INTS8: variants seen among roughly 807,000 people sequenced by gnomAD.
INTS8 encodes the protein integrator complex subunit 8.
INTS8 carries 47 observed loss-of-function variants against 138.9 expected under a neutral mutation model. The observed-to-expected ratio is 0.34, with a 90% CI of 0.27 to 0.43. INTS8 has a LOEUF of 0.43. Ranked by LOEUF, INTS8 falls within the 20% of genes least tolerant of loss-of-function variation. The pLI is 1.00. For synonymous variants in INTS8, 392 were observed against 400.9 expected (o/e 0.98, Z 0.27); for missense variants, 996 against 1,173.0 (o/e 0.85, Z 2.20).
At chr8:94,872,090 C>G (rs758925307) in intron 21 of INTS8, 88 bp downstream of exon 21, 14 of 648,226 alleles carry the variant, frequency 2.2e-5, no homozygotes, top group Non-Finnish European at 3.2e-5. Flanking sequence ...TATTTCAATA[C>G]TTAAGTTTTG....
chr8:94,854,207 G>GAAAAAAAAAAA (rs770693182), intron 14 of INTS8, among the ~76,000 whole-genome samples: 1 of 110,880 alleles, frequency 9.0e-6, no homozygotes, highest in African/African-American at 3.4e-5. Flanking sequence ...GTCCATCTCG[G>GAAAAAAAAAAA]AAAAAAAAAA....
chr8:94,869,640 G>A (rs1012770099), intron 20 of INTS8, among the ~76,000 whole-genome samples: 1 of 151,758 alleles, frequency 6.6e-6, no homozygotes, highest in Non-Finnish European at 1.5e-5. Context: ...TTACAGGCAC[G>A]TGCCACCAAA....
chr8:94,856,134 A>C (rs1815736831), intron 14 of INTS8, among the ~76,000 whole-genome samples: 1 of 152,246 alleles, frequency 6.6e-6, no homozygotes, highest in African/African-American at 2.4e-5. Flanking sequence ...AGAAAAGGGC[A>C]ATACATAGCA....
In INTS8 at chr8:94,851,562, G is replaced by A. The variant is rs1157371300; in HGVS notation, c.1517G>A (p.Ser506Asn). ...ATAAATCTTTTTTTAGCTTCAGCAA[G>A]TGTCAACATTGGTCAGTTAGAGCAT... is the stretch of plus-strand genomic sequence containing the variant. ...TSFYDIPASA[S>N]VNIGQLEHQL... The change falls in exon 13 of 27, where the codon AGT becomes AAT. Residue 506 changes from serine to asparagine, a missense_variant. Transcript: ENST00000523731. 1.3e-6 allele frequency: 2 copies of A among 1,573,782 alleles called. No individual in the cohort carries two copies. The highest frequency in any genetic ancestry group is 1.4e-5 in the African/African-American group (1 of 72,516).
chr8:94,850,830 T>C (rs970860534), intron 12 of INTS8, among the ~76,000 whole-genome samples: 2 of 151,144 alleles, frequency 1.3e-5, no homozygotes, highest in Admixed American at 6.6e-5. Flanking sequence ...CCTTGTTTGA[T>C]TTTTTTTTCC....
At chr8:94,866,348 T>C (rs1375797130) in intron 18 of INTS8, 157 bp downstream of exon 18, 6 of 623,232 alleles carry the variant, frequency 9.6e-6, no homozygotes, top group Non-Finnish European at 1.8e-5. Context: ...GCTGGAGTGC[T>C]GAGGTGTGAT....
Position 94,865,680 on chromosome 8 carries a change from A to G in INTS8, c.2251A>G (p.Ile751Val), listed in dbSNP as rs752952923. 5.6e-6 allele frequency: 9 copies of G among 1,613,836 alleles called. No individual in the cohort carries two copies. Among genetic ancestry groups the G allele is most frequent in the East Asian group, 2.2e-5 (1 of 44,876 alleles). Residue 751 changes from isoleucine to valine, a missense_variant, in exon 17 of 27, where the codon ATC (isoleucine) becomes GTC (valine). Coordinates refer to ENST00000523731, the MANE Select transcript of INTS8 (RefSeq NM_017864.4). ...AAAACAGAGGGAATCTACGTTAGGT[A>G]TCATGTATCGGTATGTATTGGTACG... Reference protein sequence around the residue: ...LIKQRESTLGIMYRSELLSFI... With the variant: ...LIKQRESTLGVMYRSELLSFI...
At chr8:94,827,674 A>G (rs1384496537) in intron 3 of INTS8, 48 bp from the exon 4 acceptor site, 3 of 1,452,102 alleles carry the variant, frequency 2.1e-6, no homozygotes, top group African/African-American at 1.4e-5. Context: ...AATAATTGAG[A>G]TGACATTTAT....
At chr8:94,875,447 G>A (rs943658430) in intron 23 of INTS8, among the ~76,000 whole-genome samples, 4 of 152,152 alleles carry the variant, frequency 2.6e-5, no homozygotes, top group Admixed American at 2.6e-4. Context: ...AAGTAAATTA[G>A]TGGTTATCAG....
intron 2 of INTS8, among the ~76,000 whole-genome samples, chr8:94,826,754 T>C (rs1291361901): frequency 6.6e-6 from 1 of 152,204 alleles, no homozygotes. Context: ...TAGGGGTTCA[T>C]TATATCCTGT....
At chr8:94,864,157 T>C (rs1321512092) in intron 16 of INTS8, among the ~76,000 whole-genome samples, 1 of 152,128 alleles carries the variant, frequency 6.6e-6, no homozygotes, top group African/African-American at 2.4e-5. Flanking sequence ...ATGTGTCAGG[T>C]ATTTATTGAA....
intron 20 of INTS8, among the ~76,000 whole-genome samples, chr8:94,869,590 T>C (rs1326555745): frequency 6.6e-6 from 1 of 152,146 alleles, no homozygotes; most frequent in African/African-American, 2.4e-5. Context: ...CCTCCCGGGT[T>C]CAAGCAATTC....
chr8:94,839,250 C>G (rs995950437), intron 8 of INTS8, among the ~76,000 whole-genome samples: 3 of 152,210 alleles, frequency 2.0e-5, no homozygotes, highest in African/African-American at 7.2e-5. Flanking sequence ...TCTCTTGAGA[C>G]TTTTATTGTG....
At chr8:94,838,713 G>A (rs767106422) in intron 8 of INTS8, 95 bp downstream of exon 8, 32 of 954,676 alleles carry the variant, frequency 3.4e-5, no homozygotes, top group Non-Finnish European at 4.5e-5. Context: ...ACGCGTTTTG[G>A]GGCAAGTCAT....
intron 1 of INTS8, 111 bp from the exon 2 acceptor site, chr8:94,824,782 A>ACCC (rs1454107421): frequency 1.3e-4 from 6 of 47,292 alleles, no homozygotes; most frequent in African/African-American, 5.5e-4. Flanking sequence ...AAAAACCCAA[A>ACCC]CTCCCCCCCC....
intron 12 of INTS8, among the ~76,000 whole-genome samples, chr8:94,851,072 T>C (rs1490349798): frequency 6.6e-6 from 1 of 152,210 alleles, no homozygotes; most frequent in Non-Finnish European, 1.5e-5. Flanking sequence ...GTATCTGATA[T>C]CTGAGCTGTA....
intron 10 of INTS8, among the ~76,000 whole-genome samples, chr8:94,847,638 TA>T (rs1815379223): frequency 6.6e-6 from 1 of 152,158 alleles, no homozygotes; most frequent in Admixed American, 6.5e-5. Context: ...AGTTTATTAG[TA>T]TTAAAATTTA....
chr8:94,865,658 A>C lies in INTS8; in HGVS notation c.2229A>C (p.Lys743Asn). 2 of 1,614,128 alleles carry C rather than the reference A, an allele frequency of 1.2e-6. No individual in the cohort carries two copies. Among genetic ancestry groups the C allele is most frequent in the Non-Finnish European group, 1.7e-6 (2 of 1,179,966 alleles). Reference sequence around the variant, plus strand: ...ATGATGGCAGAGTTAGTTTAATAAAACAGAGGGAATCTACGTTAGGTATCA... The same window carrying C: ...ATGATGGCAGAGTTAGTTTAATAAACCAGAGGGAATCTACGTTAGGTATCA... ...RGNDGRVSLI[K>N]QRESTLGIMY... Residue 743 changes from lysine to asparagine, a missense_variant, in exon 17 of 27, where the codon AAA (lysine) becomes AAC (asparagine). Coordinates refer to ENST00000523731, the MANE Select transcript of INTS8 (RefSeq NM_017864.4).
Position 94,832,014 on chromosome 8 carries a change from C to G in INTS8, c.593C>G (p.Ser198Cys), listed in dbSNP as rs752055122. ...TAGCTCAAAGAACAAGCTGCTGATT[C>G]TATTTTGGTACTAGAAGCAGCCCTA... ...LKVLKEQAAD[S>C]ILVLEAALKL... The change falls in exon 6 of 27, where the codon TCT becomes TGT. Residue 198 changes from serine to cysteine, a missense_variant. Transcript: ENST00000523731. 9 of 1,600,640 alleles carry G rather than the reference C, an allele frequency of 5.6e-6. No homozygotes were observed. In the Admixed American group the frequency reaches 7.1e-5, roughly 13 times the overall value.
Sources: allele counts gnomAD v4.1 joint callset (sites outside exome capture counted in the v4.1 genomes callset), GRCh38; gene constraint gnomAD v4.1.1; transcripts MANE v1.5; gene names NCBI Gene and HGNC (gene_info 2026-07-23, HGNC 2026-07-21).